The following BNC2 variants were observed in gnomAD, a reference collection of about 807,000 sequenced individuals.
BNC2 encodes the protein zinc finger protein basonuclin-2.
A neutral mutation model predicts 76.3 loss-of-function variants in BNC2; 20 were observed. The observed-to-expected ratio is 0.26, with a 90% CI of 0.18 to 0.38. BNC2 has a LOEUF of 0.38. BNC2 is among the 10% of genes least tolerant of loss of function. The probability of loss-of-function intolerance (pLI) is 1.00; values close to 1 mark genes in which losing one functional copy is unlikely to be tolerated. For synonymous variants in BNC2, 582 were observed against 514.8 expected, an observed-to-expected ratio of 1.13 and a Z score of -1.77; for missense variants, 1,382 against 1,399.8, an observed-to-expected ratio of 0.99 and a Z score of 0.20.
At chr9:16,509,018 CAG>C (rs1822695131) in intron 5 of BNC2, among the ~76,000 whole-genome samples, 1 of 151,878 alleles carries the variant, frequency 6.6e-6, no homozygotes, top group African/African-American at 2.4e-5. Flanking sequence ...TTAGTAAAGA[CAG>C]AGTCTTACTA....
chr9:16,760,961 G>A (rs1240692050), intron 1 of BNC2, among the ~76,000 whole-genome samples: 1 of 152,034 alleles, frequency 6.6e-6, no homozygotes, highest in East Asian at 1.9e-4. Context: ...GAATTTTCAG[G>A]GCCAGGTGCA....
At chr9:16,654,696 T>G (rs2133981367) in intron 3 of BNC2, among the ~76,000 whole-genome samples, 1 of 152,312 alleles carries the variant, frequency 6.6e-6, no homozygotes, top group South Asian at 2.1e-4. Flanking sequence ...CTGTTCTTTT[T>G]TACCCATCCC....
chr9:16,516,049 G>A (rs1587121415), intron 5 of BNC2, among the ~76,000 whole-genome samples: 1 of 152,074 alleles, frequency 6.6e-6, no homozygotes, highest in Non-Finnish European at 1.5e-5. Flanking sequence ...TGATTCAAGG[G>A]AAAATGAAAA....
chr9:16,423,481 G>T (rs1231685542), intron 6 of BNC2, among the ~76,000 whole-genome samples: 1 of 152,162 alleles, frequency 6.6e-6, no homozygotes, highest in African/African-American at 2.4e-5. Flanking sequence ...CTTAGCCCCA[G>T]ACGTTCACTT....
chr9:16,629,325 T>C (rs537859913), intron 3 of BNC2, among the ~76,000 whole-genome samples: 1 of 152,356 alleles, frequency 6.6e-6, no homozygotes, highest in African/African-American at 2.4e-5. Context: ...GAGCTATCAA[T>C]GTAATACTCA....
At chr9:16,631,679 G>C (rs759926676) in intron 3 of BNC2, among the ~76,000 whole-genome samples, 7 of 152,104 alleles carry the variant, frequency 4.6e-5, no homozygotes, top group Non-Finnish European at 8.8e-5. Flanking sequence ...TCCAATGTTT[G>C]GGTTTGAACA....
intron 3 of BNC2, among the ~76,000 whole-genome samples, chr9:16,589,388 G>C (rs775170516): frequency 6.6e-6 from 1 of 151,914 alleles, no homozygotes; most frequent in Non-Finnish European, 1.5e-5. Flanking sequence ...GTCTCACCAT[G>C]TTGCCCAGAC....
chr9:16,552,693 A>T lies in BNC2; in HGVS notation c.506T>A (p.Phe169Tyr). The T allele has an allele frequency of 6.2e-7, 1 of 1,614,194 alleles. No individual in the cohort carries two copies. Among genetic ancestry groups the T allele is most frequent in the Non-Finnish European group, 8.5e-7 (1 of 1,180,026 alleles). ...ATAGAGCATCAGGCTGCTGATGTCA[A>T]ACACGACGTTGGACTGCACAATCTC... The part of the protein sequence containing the change: ...QVEIVQSNVV[F>Y]DISSLMLYGT... The change falls in exon 5 of 7, where the codon TTT becomes TAT. Residue 169 changes from phenylalanine (F) to tyrosine (Y), a missense_variant. Phe to Tyr is a conservative substitution (Grantham distance 22, BLOSUM62 3). Transcript: ENST00000380672.
chr9:16,683,187 G>A (rs1429772157), intron 3 of BNC2, among the ~76,000 whole-genome samples: 2 of 152,134 alleles, frequency 1.3e-5, no homozygotes, highest in Non-Finnish European at 2.9e-5. Flanking sequence ...ATTGACCACA[G>A]TAGGGGATCT....
At position 16,418,664 on chromosome 9, in the gene BNC2, CTGTGTGTGTGTGTGTG is replaced by C; in HGVS notation, c.*309_*324del. Reference sequence around the variant, plus strand: ...TGTCAAAACTGGGGCTAGTTGCACACTGTGTGTGTGTGTGTGTGTGTGTGTGTATGTGCATGTGTGT... The same window carrying C: ...TGTCAAAACTGGGGCTAGTTGCACACTGTGTGTGTGTATGTGCATGTGTGT... On this transcript the variant is annotated 3_prime_UTR_variant, in exon 7 of 7. Coordinates refer to ENST00000380672, the MANE Select transcript of BNC2 (RefSeq NM_017637.6). The C allele has an allele frequency of 4.7e-6, 1 of 213,826 alleles. No homozygotes were observed. Among genetic ancestry groups the C allele is most frequent in the African/African-American group, 2.5e-5 (1 of 40,532 alleles). 13.2% of individuals were successfully genotyped at this position (213,826 alleles called of 1,614,324 possible).
intron 4 of BNC2, 77 bp downstream of exon 4, chr9:16,582,905 AC>A: frequency 1.1e-6 from 1 of 932,470 alleles, no homozygotes; most frequent in Non-Finnish European, 1.7e-6. Context: ...ACACACACAC[AC>A]ACACACACAC....
At chr9:16,762,435 G>A (rs1825579415) in intron 1 of BNC2, among the ~76,000 whole-genome samples, 1 of 152,110 alleles carries the variant, frequency 6.6e-6, no homozygotes, top group Admixed American at 6.5e-5. Flanking sequence ...TTGCAAGTGG[G>A]AATGAATCAA....
At chr9:16,546,308 A>T (rs1245342680) in intron 5 of BNC2, among the ~76,000 whole-genome samples, 2 of 152,218 alleles carry the variant, frequency 1.3e-5, no homozygotes, top group Non-Finnish European at 2.9e-5. Flanking sequence ...AGAAACTATG[A>T]CTAAGAATGG....
At chr9:16,687,029 T>C (rs944876503) in intron 3 of BNC2, among the ~76,000 whole-genome samples, 1 of 151,952 alleles carries the variant, frequency 6.6e-6, no homozygotes, top group African/African-American at 2.4e-5. Context: ...AACCCTCATT[T>C]TCCTCTCAAC....
chr9:16,572,800 A>G (rs1371495763), intron 4 of BNC2, among the ~76,000 whole-genome samples: 2 of 152,142 alleles, frequency 1.3e-5, no homozygotes, highest in African/African-American at 4.8e-5. Flanking sequence ...CTCAAGGGAC[A>G]AGAGCCTGGA....
At chr9:16,738,652 A>T (rs1824751987) in intron 1 of BNC2, among the ~76,000 whole-genome samples, 167 bp from the exon 2 acceptor site, 1 of 152,264 alleles carries the variant, frequency 6.6e-6, no homozygotes, top group Non-Finnish European at 1.5e-5. Flanking sequence ...CAACAGCTAA[A>T]TAAACTTTGG....
chr9:16,623,747 T>C (rs1263926713), intron 3 of BNC2, among the ~76,000 whole-genome samples: 1 of 152,198 alleles, frequency 6.6e-6, no homozygotes, highest in Non-Finnish European at 1.5e-5. Context: ...ATAAAGTAAA[T>C]GGATCTTTCC....
intron 2 of BNC2, 38 bp from the exon 3 acceptor site, chr9:16,728,035 G>A: frequency 6.4e-7 from 1 of 1,556,054 alleles, no homozygotes; most frequent in Non-Finnish European, 8.8e-7. Flanking sequence ...CCTCTTGGCA[G>A]CCAGTAGCAG....
At chr9:16,714,257 C>G (rs1249414353) in intron 3 of BNC2, among the ~76,000 whole-genome samples, 1 of 152,208 alleles carries the variant, frequency 6.6e-6, no homozygotes, top group Non-Finnish European at 1.5e-5. Context: ...AACTATCTAG[C>G]AAACACAAAG....
Sources: gnomAD v4.1 joint callset for allele counts (sites outside exome capture counted in the v4.1 genomes callset) on GRCh38, gnomAD v4.1.1 for gene constraint, MANE v1.5 for transcripts, NCBI Gene and HGNC (gene_info 2026-07-23, HGNC 2026-07-21) for gene names.